The following PDGFRA variants were observed in gnomAD, a reference collection of about 807,000 sequenced individuals.
The protein encoded by PDGFRA is platelet-derived growth factor receptor alpha.
Under a neutral mutation model 121.5 loss-of-function variants are expected in PDGFRA, and 25 were observed. That is an observed-to-expected ratio of 0.21 (90% CI 0.15 to 0.29). The LOEUF (loss-of-function observed/expected upper bound fraction) is 0.29, where lower values mean the gene tolerates loss of function less well. Among genes scored for constraint, PDGFRA ranks in the 10% least tolerant of loss-of-function variants. PDGFRA has a pLI of 1.00. For missense variants in PDGFRA, 1,008 were observed against 1,345.1 expected (o/e 0.75, Z 3.92); for synonymous variants, 463 against 494.8 (o/e 0.94, Z 0.85).
intron 19 of PDGFRA, 34 bp from the exon 20 acceptor site, chr4:54,288,765 T>A: frequency 8.5e-7 from 1 of 1,181,192 alleles, no homozygotes; most frequent in Non-Finnish European, 1.3e-6. Context: ...ACTGAGCGTT[T>A]GTTAGTCCTG....
At chr4:54,258,322 G>A (rs1722486206) in intron 1 of PDGFRA, among the ~76,000 whole-genome samples, 1 of 151,976 alleles carries the variant, frequency 6.6e-6, no homozygotes, top group Non-Finnish European at 1.5e-5. Context: ...GAAATTCTAG[G>A]TCAAAATGGC....
intron 21 of PDGFRA, 115 bp from the exon 22 acceptor site, chr4:54,290,198 T>G (rs1724552798): frequency 1.2e-6 from 1 of 857,470 alleles, no homozygotes; most frequent in East Asian, 2.5e-5. Context: ...TCCCACATCT[T>G]CCAGGTAGTT....
At chr4:54,262,461 G>A (rs1050540819) in intron 3 of PDGFRA, among the ~76,000 whole-genome samples, 3 of 152,170 alleles carry the variant, frequency 2.0e-5, no homozygotes, top group African/African-American at 7.2e-5. Context: ...ACTATGGCTA[G>A]AATCCTTGGT....
intron 1 of PDGFRA, among the ~76,000 whole-genome samples, chr4:54,247,290 C>T (rs934635717): frequency 2.0e-5 from 3 of 152,286 alleles, no homozygotes; most frequent in Middle Eastern, 3.4e-3. Context: ...AGACCAATAT[C>T]CTTGGTGAAC....
rs565335773 is a variant in PDGFRA, at chr4:54,229,515, G to GAA, written c.-13+110_-13+111dup. 6.7e-3 allele frequency: 2,143 copies of GAA among 321,666 alleles called. 9 individuals are homozygous for GAA. The highest frequency in any genetic ancestry group is 0.016 in the African/African-American group (700 of 44,534). The allele number at this position is 321,666 out of a possible 1,614,324, so 19.9% of individuals were successfully genotyped here. ...AGTAACTTCAAACTTTGGGCGACAA[G>GAA]AAAAAAAAAAAGGAGCTGGATTCCA... On this transcript the variant is annotated intron_variant, in intron 1 of 22. Transcript: ENST00000257290.
At chr4:54,265,184 A>ACACATT in intron 5 of PDGFRA, 135 bp downstream of exon 5, 1 of 812,264 alleles carries the variant, frequency 1.2e-6, no homozygotes. Flanking sequence ...TCTGGGATGA[A>ACACATT]CACATTTGAT....
chr4:54,272,776 C>T (rs1437504476), intron 9 of PDGFRA, among the ~76,000 whole-genome samples: 2 of 152,170 alleles, frequency 1.3e-5, no homozygotes, highest in Admixed American at 6.5e-5. Context: ...ACTACCCTGG[C>T]TCACATATCT....
At chr4:54,238,629 G>A (rs1721134498) in intron 1 of PDGFRA, among the ~76,000 whole-genome samples, 1 of 152,128 alleles carries the variant, frequency 6.6e-6, no homozygotes, top group Admixed American at 6.5e-5. Flanking sequence ...AAAGGAGTTG[G>A]TATAGGAGTT....
Position 54,273,373 on chromosome 4 carries a change from A to G in PDGFRA, c.1365-164A>G, listed in dbSNP as rs557453129. On this transcript the variant is annotated intron_variant, in intron 9 of 22. Coordinates refer to ENST00000257290, the MANE Select transcript of PDGFRA (RefSeq NM_006206.6). Reference sequence around the variant, plus strand: ...GAGTTATTCCCTCTTCAGCACATGCAGACAAGTTTTAATGTTCATCTGCAT... The same window carrying G: ...GAGTTATTCCCTCTTCAGCACATGCGGACAAGTTTTAATGTTCATCTGCAT... 2.6e-5 allele frequency among the ~76,000 whole-genome samples: 4 copies of G among 152,308 alleles called. No individual in the cohort carries two copies. The East Asian group carries it at 7.7e-4, about 29-fold the overall frequency.
In PDGFRA at chr4:54,296,380, TTTTC is replaced by T. The variant is rs1299275070; in HGVS notation, c.*1111_*1114del. 8.6e-6 allele frequency: 2 copies of T among 231,424 alleles called. No individual in the cohort carries two copies. The highest frequency in any genetic ancestry group is 1.7e-5 in the Non-Finnish European group (2 of 117,056). 14.3% of individuals were successfully genotyped at this position (231,424 alleles called of 1,614,324 possible). A position where few individuals can be genotyped will look rare whatever the true frequency, so the allele number is the denominator to read the frequency against. ...GGATTTGCAGAAGTTTTTTTTTTTT[TTTTC>T]TTCATGCCTGATGAAAGCTTTGGCG... On this transcript the variant is annotated 3_prime_UTR_variant, in exon 23 of 23. Coordinates refer to ENST00000257290, the MANE Select transcript of PDGFRA (RefSeq NM_006206.6).
intron 1 of PDGFRA, among the ~76,000 whole-genome samples, chr4:54,238,426 T>A (rs79272074): frequency 1.3e-5 from 2 of 152,210 alleles, no homozygotes; most frequent in Non-Finnish European, 2.9e-5. Context: ...AGGAATCACA[T>A]GCACACATAT....
chr4:54,255,818 T>A (rs1028759496), intron 1 of PDGFRA, among the ~76,000 whole-genome samples: 12 of 152,022 alleles, frequency 7.9e-5, no homozygotes, highest in South Asian at 2.1e-4. Context: ...CTTTTTTTTT[T>A]AAAACAACAA....
intron 1 of PDGFRA, among the ~76,000 whole-genome samples, chr4:54,253,359 C>T (rs1722170806): frequency 6.6e-6 from 1 of 152,178 alleles, no homozygotes; most frequent in Non-Finnish European, 1.5e-5. Context: ...CTAGAAGAGA[C>T]TGAGGTTCAG....
chr4:54,288,944 G>A (rs758943047), intron 20 of PDGFRA, 46 bp downstream of exon 20: 8 of 1,538,116 alleles, frequency 5.2e-6, no homozygotes, highest in Non-Finnish European at 7.2e-6. Context: ...CAGTCTGTGG[G>A]TCTAGGGGGA....
In PDGFRA at chr4:54,278,424, A is replaced by T. The variant is rs1284453963; in HGVS notation, c.2065A>T (p.Asn689Tyr). ...YGDLVNYLHKNRDSFLSHHPE... is the reference protein window; with the variant it reads ...YGDLVNYLHKYRDSFLSHHPE... ...AGATTTGGTCAACTATTTGCATAAGAATAGGGATAGCTTCCTGAGCCACCA... is the reference window on the plus strand; with the variant it reads ...AGATTTGGTCAACTATTTGCATAAGTATAGGGATAGCTTCCTGAGCCACCA... Residue 689 changes from asparagine (N) to tyrosine (Y), a missense_variant, in exon 15 of 23, where the codon AAT (asparagine) becomes TAT (tyrosine). Asn to Tyr is a moderately radical substitution (Grantham distance 143). This residue lies in a region of PDGFRA where 128 missense variants were observed against 147.6 expected (regional missense o/e 0.87). Transcript: ENST00000257290. 2.5e-6 allele frequency: 4 copies of T among 1,613,792 alleles called. No individual in the cohort carries two copies. Among genetic ancestry groups the T allele is most frequent in the Non-Finnish European group, 8.5e-7 (1 of 1,179,754 alleles).
chr4:54,273,396 C>T lies in PDGFRA; in HGVS notation c.1365-141C>T, dbSNP rs1427095485. 8.6e-6 allele frequency: 6 copies of T among 701,442 alleles called. No homozygotes were observed. The East Asian group carries it at 1.6e-4, about 18-fold the overall frequency. 43.5% of individuals were successfully genotyped at this position (701,442 alleles called of 1,614,324 possible). On this transcript the variant is annotated intron_variant, in intron 9 of 22. Transcript: ENST00000257290. ...GCAGACAAGTTTTAATGTTCATCTG[C>T]ATGTAAAATAAATCAGTGTGTATTG...
chr4:54,243,724 G>C (rs941821133), intron 1 of PDGFRA: 3 of 152,642 alleles, frequency 2.0e-5, no homozygotes, highest in South Asian at 2.1e-4. Flanking sequence ...CAGGACAGTG[G>C]GTGCAGCGCA....
intron 1 of PDGFRA, among the ~76,000 whole-genome samples, chr4:54,246,546 C>T (rs1477903791): frequency 3.9e-5 from 6 of 152,096 alleles, no homozygotes; most frequent in Admixed American, 3.9e-4. Context: ...ATACCAGAAT[C>T]TCTGGGACAC....
Position 54,286,008 on chromosome 4 carries a change from T to A in PDGFRA, c.2562+45T>A, listed in dbSNP as rs1202620968. 4 of 1,599,950 alleles carry A rather than the reference T, an allele frequency of 2.5e-6. 1 individual carries two copies. In the South Asian group the frequency reaches 4.4e-5, roughly 18 times the overall value. On this transcript the variant is annotated intron_variant, in intron 18 of 22. Coordinates refer to ENST00000257290, the MANE Select transcript of PDGFRA (RefSeq NM_006206.6). ...ACTGGTCAGGCTCATCCTCCTTCAC[T>A]TTAATCTCTAAAGTCAGGTGTTGCT...
Sources: gnomAD v4.1 joint callset for allele counts (sites outside exome capture counted in the v4.1 genomes callset) on GRCh38, gnomAD v4.1.1 for gene constraint, gnomAD v4.1.1 regional missense constraint, MANE v1.5 for transcripts, NCBI Gene and HGNC (gene_info 2026-07-23, HGNC 2026-07-21) for gene names.